PTPRD: variants seen among roughly 807,000 people sequenced by gnomAD.
The protein encoded by PTPRD is receptor-type tyrosine-protein phosphatase delta.
Under a neutral mutation model 214.5 loss-of-function variants are expected in PTPRD, and 34 were observed. The ratio of observed to expected loss-of-function variants is 0.16; its 90% CI spans 0.12 to 0.21. PTPRD has a LOEUF of 0.21. PTPRD is among the 10% of genes least tolerant of loss of function. The pLI is 1.00. For missense variants in PTPRD, 2,545 were observed against 2,398.7 expected (o/e 1.06, Z -1.27); for synonymous variants, 1,128 against 845.7 (o/e 1.33, Z -5.79).
intron 11 of PTPRD, among the ~76,000 whole-genome samples, chr9:8,902,429 G>A (rs113815676): frequency 2.7e-4 from 41 of 149,120 alleles, no homozygotes; most frequent in African/African-American, 1.0e-3. Context: ...TGTAACCTCC[G>A]CCTCCTGGGT....
intron 10 of PTPRD, among the ~76,000 whole-genome samples, chr9:9,098,657 G>C (rs745703044): frequency 1.9e-4 from 29 of 152,154 alleles, no homozygotes; most frequent in Non-Finnish European, 3.1e-4. Flanking sequence ...TTACAAGTAT[G>C]TTTATCATGT....
intron 2 of PTPRD, among the ~76,000 whole-genome samples, chr9:10,463,303 T>C (rs10124191): frequency 6.6e-6 from 1 of 151,860 alleles, no homozygotes; most frequent in Non-Finnish European, 1.5e-5. Context: ...TGAGAATTCA[T>C]GTTGCTCAAA....
intron 11 of PTPRD, among the ~76,000 whole-genome samples, chr9:8,815,505 A>C (rs1038241353): frequency 2.6e-5 from 4 of 152,226 alleles, no homozygotes; most frequent in African/African-American, 9.6e-5. Context: ...AGTTACAAAA[A>C]TTTAAATTCT....
intron 10 of PTPRD, among the ~76,000 whole-genome samples, chr9:9,142,161 G>C (rs1269667654): frequency 6.6e-6 from 1 of 152,198 alleles, no homozygotes; most frequent in Non-Finnish European, 1.5e-5. Context: ...TTTGAATGCA[G>C]GCTCATTATC....
intron 6 of PTPRD, among the ~76,000 whole-genome samples, chr9:9,738,291 G>C (rs2154447813): frequency 6.6e-6 from 1 of 152,096 alleles, no homozygotes; most frequent in South Asian, 2.1e-4. Flanking sequence ...AAAAATCATA[G>C]CTATATGGTG....
chr9:9,953,353 T>A (rs1433062785), intron 4 of PTPRD, among the ~76,000 whole-genome samples: 2 of 151,986 alleles, frequency 1.3e-5, no homozygotes, highest in Non-Finnish European at 2.9e-5. Context: ...ACATACTGGG[T>A]ACAGTGTACA....
chr9:10,030,556 G>C (rs1481447302), intron 4 of PTPRD, among the ~76,000 whole-genome samples: 1 of 152,080 alleles, frequency 6.6e-6, no homozygotes. Flanking sequence ...AGAAACATGA[G>C]TGACTAGACT....
At chr9:8,486,521 CT>C in intron 27 of PTPRD, 172 bp from the exon 28 acceptor site, 1 of 731,400 alleles carries the variant, frequency 1.4e-6, no homozygotes, top group Middle Eastern at 2.3e-4. Context: ...TGCTCCTTGT[CT>C]TACTTTATTA....
chr9:8,729,204 C>T (rs1383582768), intron 12 of PTPRD, among the ~76,000 whole-genome samples: 2 of 152,110 alleles, frequency 1.3e-5, no homozygotes, highest in Non-Finnish European at 2.9e-5. Flanking sequence ...TTCTACTATC[C>T]ATTCTACCCA....
intron 12 of PTPRD, among the ~76,000 whole-genome samples, chr9:8,727,476 C>G (rs1488839077): frequency 1.8e-4 from 27 of 152,084 alleles, no homozygotes; most frequent in Admixed American, 1.8e-3. Context: ...GTAATTTTGC[C>G]ACACCTCTAC....
intron 10 of PTPRD, among the ~76,000 whole-genome samples, chr9:9,102,542 T>C (rs1185597798): frequency 1.3e-5 from 2 of 152,234 alleles, no homozygotes; most frequent in East Asian, 1.9e-4. Context: ...CTAATCACCA[T>C]CAATCAGAAA....
intron 7 of PTPRD, among the ~76,000 whole-genome samples, chr9:9,643,814 T>G (rs936410749): frequency 6.6e-6 from 1 of 152,198 alleles, no homozygotes; most frequent in Non-Finnish European, 1.5e-5. Context: ...ACTCATACCA[T>G]GAGTTTCCAA....
rs5896391 is a variant in PTPRD, at chr9:10,388,480, C to CA, written c.-599-47464dup. On this transcript the variant is annotated intron_variant, in intron 2 of 45. Transcript: ENST00000381196. ...AATGAATGTCTAAATGGATAATTAG[C>CA]AAAAAAAAAAAAAAAAGCTAATGGT... Among the ~76,000 whole-genome samples the CA allele has an allele frequency of 5.6e-3, 753 of 134,758 alleles. 7 individuals are homozygous for CA. The highest frequency in any genetic ancestry group is 0.055 in the East Asian group (254 of 4,604). 88.4% of individuals were successfully genotyped at this position (134,758 alleles called of 152,430 possible). A position where few individuals can be genotyped will look rare whatever the true frequency, so the allele number is the denominator to read the frequency against.
intron 9 of PTPRD, among the ~76,000 whole-genome samples, chr9:9,378,536 T>C (rs930174241): frequency 2.6e-5 from 4 of 152,150 alleles, no homozygotes; most frequent in Non-Finnish European, 5.9e-5. Flanking sequence ...ATAAATACTA[T>C]GGAGATTGTT....
chr9:9,215,079 G>T (rs2099951288), intron 9 of PTPRD, among the ~76,000 whole-genome samples: 1 of 152,168 alleles, frequency 6.6e-6, no homozygotes, highest in African/African-American at 2.4e-5. Context: ...TAGTTCCAGT[G>T]CAGGATCAGT....
chr9:9,914,029 T>C (rs564802269), intron 5 of PTPRD, among the ~76,000 whole-genome samples: 10 of 152,318 alleles, frequency 6.6e-5, no homozygotes, highest in Non-Finnish European at 1.2e-4. Context: ...ATTCTGGTCC[T>C]GTACAGTACA....
chr9:9,422,508 G>C (rs991052097), intron 8 of PTPRD, among the ~76,000 whole-genome samples: 2 of 152,070 alleles, frequency 1.3e-5, no homozygotes, highest in African/African-American at 4.8e-5. Flanking sequence ...TAGGATGTTA[G>C]GACAAAGATC....
rs565157127 is a variant in PTPRD, at chr9:10,507,104, G to C, written c.-600+105294C>G. 1.9e-4 allele frequency among the ~76,000 whole-genome samples: 29 copies of C among 151,854 alleles called. No individual in the cohort carries two copies. In the South Asian group the frequency reaches 3.1e-3, roughly 16 times the overall value. On this transcript the variant is annotated intron_variant, in intron 2 of 45. Transcript: ENST00000381196. The stretch of plus-strand genomic sequence containing the variant: ...GATAAGCAACTTCAGCAAAGTCTCG[G>C]GATAAAAAATCAATGTGCAAAAATC...
chr9:8,841,510 T>G (rs1787957083), intron 11 of PTPRD, among the ~76,000 whole-genome samples: 1 of 151,948 alleles, frequency 6.6e-6, no homozygotes, highest in Admixed American at 6.6e-5. Flanking sequence ...GATTATTATG[T>G]GCCAAAATGC....
Sources: gnomAD v4.1 joint callset for allele counts (sites outside exome capture counted in the v4.1 genomes callset) on GRCh38, gnomAD v4.1.1 for gene constraint, MANE v1.5 for transcripts, NCBI Gene and HGNC (gene_info 2026-07-23, HGNC 2026-07-21) for gene names.